BMERB1: variants seen among roughly 807,000 people sequenced by gnomAD.
The protein encoded by BMERB1 is bMERB domain containing 1, also known as bMERB domain-containing protein 1.
In BMERB1, 12 loss-of-function variants were observed where a neutral mutation model predicts 23.6. The observed-to-expected ratio is 0.51, with a 90% CI of 0.33 to 0.82. The LOEUF (loss-of-function observed/expected upper bound fraction) is 0.82, where lower values mean the gene tolerates loss of function less well. BMERB1 is among the 40% of genes least tolerant of loss of function. The pLI, the probability that BMERB1 is intolerant of heterozygous loss-of-function variation, is 0.03. For missense variants in BMERB1, 247 were observed against 255.4 expected, an observed-to-expected ratio of 0.97 and a Z score of 0.22; for synonymous variants, 122 against 96.6, an observed-to-expected ratio of 1.26 and a Z score of -1.54.
At chr16:15,552,200 G>C (rs997420662) in intron 2 of BMERB1, among the ~76,000 whole-genome samples, 1 of 152,114 alleles carries the variant, frequency 6.6e-6, no homozygotes, top group Non-Finnish European at 1.5e-5. Context: ...AGCACTTTGG[G>C]AGGCCGAGGT....
intron 2 of BMERB1, among the ~76,000 whole-genome samples, chr16:15,523,380 G>T (rs752300484): frequency 8.5e-5 from 13 of 152,144 alleles, no homozygotes; most frequent in Non-Finnish European, 1.8e-4. Flanking sequence ...GCAACATTTG[G>T]GCAGGAAAAC....
intron 1 of BMERB1, among the ~76,000 whole-genome samples, chr16:15,506,051 G>A (rs771725586): frequency 4.6e-5 from 7 of 152,078 alleles, no homozygotes; most frequent in Non-Finnish European, 1.0e-4. Flanking sequence ...AGATAGATCT[G>A]GGTTTGAGTT....
intron 1 of BMERB1, among the ~76,000 whole-genome samples, chr16:15,463,733 C>T (rs2051156794): frequency 6.6e-6 from 1 of 152,146 alleles, no homozygotes; most frequent in Non-Finnish European, 1.5e-5. Flanking sequence ...AATCCTGACC[C>T]CCATCCCCAC....
At chr16:15,447,113 G>T (rs1033850400) in intron 1 of BMERB1, among the ~76,000 whole-genome samples, 2 of 152,040 alleles carry the variant, frequency 1.3e-5, no homozygotes, top group African/African-American at 4.8e-5. Flanking sequence ...TGTAAAATGG[G>T]GATAATAACA....
intron 2 of BMERB1, among the ~76,000 whole-genome samples, chr16:15,552,232 G>C (rs1203174800): frequency 6.6e-6 from 1 of 151,990 alleles, no homozygotes; most frequent in African/African-American, 2.4e-5. Flanking sequence ...TTGAGGTCAG[G>C]AGTTCAAGAC....
intron 1 of BMERB1, among the ~76,000 whole-genome samples, chr16:15,510,540 G>A (rs2051651657): frequency 6.6e-6 from 1 of 152,042 alleles, no homozygotes; most frequent in Admixed American, 6.6e-5. Context: ...TGGGTGGTGG[G>A]CTCCCTTACA....
At chr16:15,520,900 A>G (rs538022865) in intron 2 of BMERB1, among the ~76,000 whole-genome samples, 1 of 152,324 alleles carries the variant, frequency 6.6e-6, no homozygotes, top group South Asian at 2.1e-4. Context: ...AGGCCTCTCA[A>G]AAAATATCAA....
At chr16:15,456,080 CATT>C (rs2051085255) in intron 1 of BMERB1, among the ~76,000 whole-genome samples, 1 of 152,030 alleles carries the variant, frequency 6.6e-6, no homozygotes, top group African/African-American at 2.4e-5. Flanking sequence ...AATAGATGCT[CATT>C]ATAAAAATTC....
chr16:15,462,234 C>T (rs1221247118), intron 1 of BMERB1, among the ~76,000 whole-genome samples: 1 of 146,774 alleles, frequency 6.8e-6, no homozygotes, highest in African/African-American at 2.5e-5. Flanking sequence ...TCACTGCAGC[C>T]TCCACCTCCC....
intron 1 of BMERB1, among the ~76,000 whole-genome samples, chr16:15,503,973 C>A (rs960199072): frequency 6.6e-6 from 1 of 152,228 alleles, no homozygotes; most frequent in Non-Finnish European, 1.5e-5. Flanking sequence ...TGCCACGAAG[C>A]AGGTTCTCAA....
At chr16:15,530,720 G>A (rs974908034) in intron 2 of BMERB1, among the ~76,000 whole-genome samples, 1 of 152,094 alleles carries the variant, frequency 6.6e-6, no homozygotes, top group African/African-American at 2.4e-5. Flanking sequence ...GCGCCATGCT[G>A]TTATCATGAT....
chr16:15,463,352 C>A (rs2051152872), intron 1 of BMERB1, among the ~76,000 whole-genome samples: 1 of 152,024 alleles, frequency 6.6e-6, no homozygotes, highest in Non-Finnish European at 1.5e-5. Context: ...CTTTGGCCTC[C>A]CAAAGCCCTG....
chr16:15,473,726 C>T (rs1028258167), intron 1 of BMERB1, among the ~76,000 whole-genome samples: 1 of 152,144 alleles, frequency 6.6e-6, no homozygotes, highest in Non-Finnish European at 1.5e-5. Flanking sequence ...ATTCATAATT[C>T]TTTTCTTTTA....
chr16:15,438,621 G>A lies in BMERB1; in HGVS notation c.106+3862G>A, dbSNP rs1291339956. Among the ~76,000 whole-genome samples, 8 of 150,944 alleles carry A rather than the reference G, an allele frequency of 5.3e-5. No homozygotes were observed. In the East Asian group the frequency reaches 1.2e-3, roughly 22 times the overall value. On this transcript the variant is annotated intron_variant, in intron 1 of 5. Transcript: ENST00000300006. ...ATTACAGGCATGCACCACCACGTCC[G>A]GCTAATTTTTGTATTTTTACTAGAG...
chr16:15,485,235 A>T (rs1393741564), intron 1 of BMERB1, among the ~76,000 whole-genome samples: 1 of 152,172 alleles, frequency 6.6e-6, no homozygotes, highest in Non-Finnish European at 1.5e-5. Context: ...TCGTATGTTC[A>T]TTCCTCCAAA....
At chr16:15,451,203 C>A (rs1473248733) in intron 1 of BMERB1, among the ~76,000 whole-genome samples, 1 of 152,148 alleles carries the variant, frequency 6.6e-6, no homozygotes, top group African/African-American at 2.4e-5. Flanking sequence ...TTTTCTGAGA[C>A]AGAGTCTCCC....
At chr16:15,548,688 G>T (rs1041154127) in intron 2 of BMERB1, among the ~76,000 whole-genome samples, 4 of 152,148 alleles carry the variant, frequency 2.6e-5, no homozygotes. Flanking sequence ...TTTTCTTTGT[G>T]GTTTATCAAG....
intron 1 of BMERB1, among the ~76,000 whole-genome samples, chr16:15,437,802 CA>C (rs1209848804): frequency 3.9e-5 from 6 of 151,978 alleles, no homozygotes; most frequent in African/African-American, 1.4e-4. Context: ...ACTAGAAATA[CA>C]AAAAATTAGC....
At chr16:15,540,104 G>A (rs552575809) in intron 2 of BMERB1, among the ~76,000 whole-genome samples, 6 of 151,294 alleles carry the variant, frequency 4.0e-5, no homozygotes, top group South Asian at 2.1e-4. Flanking sequence ...CTGATATCAC[G>A]CCACTGCACT....
Sources: allele counts gnomAD v4.1 joint callset (sites outside exome capture counted in the v4.1 genomes callset), GRCh38; gene constraint gnomAD v4.1.1; transcripts MANE v1.5; gene names NCBI Gene and HGNC (gene_info 2026-07-23, HGNC 2026-07-21).